OLFM1: variants seen among roughly 807,000 people sequenced by gnomAD.
OLFM1 encodes the protein noelin.
Under a neutral mutation model 49.7 loss-of-function variants are expected in OLFM1, and 9 were observed. That is an observed-to-expected ratio of 0.18 (90% CI 0.11 to 0.32). The LOEUF is 0.32. OLFM1 is among the 10% of genes least tolerant of loss of function. OLFM1 has a pLI of 1.00. For synonymous variants in OLFM1, 240 were observed against 271.8 expected (o/e 0.88, Z 1.15); for missense variants, 369 against 661.8 (o/e 0.56, Z 4.85).
chr9:135,104,409 G>A (rs945784410), intron 4 of OLFM1, among the ~76,000 whole-genome samples: 3 of 152,324 alleles, frequency 2.0e-5, no homozygotes, highest in Non-Finnish European at 2.9e-5. Flanking sequence ...GTCTCCTTCC[G>A]GTAGGTCATG....
intron 1 of OLFM1, chr9:135,077,349 T>C: frequency 7.9e-7 from 1 of 1,271,320 alleles, no homozygotes. Context: ...AATGGCACCC[T>C]GAAGCCTCCA....
upstream of OLFM1, among the ~76,000 whole-genome samples, chr9:135,084,449 C>CCT (rs10672691): frequency 0.85 from 124,558 of 145,722 alleles, 53,887 homozygotes; most frequent in African/African-American, 0.92. This position sits in a 1 kb window ranked among gnomAD's most constrained non-coding sequence, Gnocchi z 4.6. Context: ...TATTATCTCT[C>CCT]CTCTCTGTCT....
In OLFM1 at chr9:135,098,562, C is replaced by T; in HGVS notation, c.676+57C>T. On this transcript the variant is annotated intron_variant, in intron 4 of 5. Coordinates refer to ENST00000371793, the MANE Select transcript of OLFM1 (RefSeq NM_001282611.2). The surrounding 1 kb of genome is among the most constrained non-coding windows in gnomAD (Gnocchi z 5.6). ...GCACTGCCCACCTCCGGCACACGCA[C>T]AGGCTTAGGGAGTGGTGCTGAAGTG... 11 of 1,496,130 alleles carry T rather than the reference C, an allele frequency of 7.4e-6. No individual in the cohort carries two copies. The highest frequency in any genetic ancestry group is 9.3e-6 in the Non-Finnish European group (10 of 1,077,026). 92.7% of individuals were successfully genotyped at this position (1,496,130 alleles called of 1,614,324 possible).
chr9:135,086,715 T>A (rs1190650981), upstream of OLFM1: 1 of 455,912 alleles, frequency 2.2e-6, no homozygotes, highest in East Asian at 7.0e-5. Context: ...CAGGTGGGAC[T>A]GACACGCGTG....
At chr9:135,075,844 G>GGCCCGGCCCCCC in intron 1 of OLFM1, 1 of 1,553,118 alleles carries the variant, frequency 6.4e-7, no homozygotes, top group Non-Finnish European at 8.7e-7. Context: ...CCAGGCGCCC[G>GGCCCGGCCCCCC]GCCCGGCCCC....
chr9:135,082,257 A>G (rs1830542347), intron 1 of OLFM1, among the ~76,000 whole-genome samples: 1 of 152,208 alleles, frequency 6.6e-6, no homozygotes, highest in Non-Finnish European at 1.5e-5. Flanking sequence ...GCCCTTGTCC[A>G]CATTCAGATC....
intron 5 of OLFM1, among the ~76,000 whole-genome samples, chr9:135,115,540 G>A (rs1029640620): frequency 4.6e-5 from 7 of 152,390 alleles, no homozygotes; most frequent in East Asian, 3.9e-4. Flanking sequence ...ACCCACTGAC[G>A]TGTGGGACCG....
Position 135,075,997 on chromosome 9 carries a change from G to C in OLFM1, c.96+195G>C, listed in dbSNP as rs73664040. On this transcript the variant is annotated intron_variant, in intron 1 of 5. Transcript: ENST00000252854. Reference sequence around the variant, plus strand: ...TGGGAGGGAGGGGTGCAGGCTGACCGGAGACGGCGCTCCTCCAGCCCCGGC... The same window carrying C: ...TGGGAGGGAGGGGTGCAGGCTGACCCGAGACGGCGCTCCTCCAGCCCCGGC... 1.8e-3 allele frequency: 2,548 copies of C among 1,437,056 alleles called. 44 individuals are homozygous for C. The African/African-American group carries it at 0.033, about 19-fold the overall frequency. 89.0% of individuals were successfully genotyped at this position (1,437,056 alleles called of 1,614,324 possible).
At chr9:135,096,885 C>A (rs1198946304) in intron 3 of OLFM1, among the ~76,000 whole-genome samples, 3 of 152,200 alleles carry the variant, frequency 2.0e-5, no homozygotes, top group African/African-American at 7.2e-5. Context: ...TAACTCTGGA[C>A]ATTAAAACTG....
chr9:135,098,336 A>C lies in OLFM1; in HGVS notation c.507A>C (p.Glu169Asp). Residue 169 changes from glutamate to aspartate, a missense_variant, in exon 4 of 6, where the codon GAA (glutamate) becomes GAC (aspartate). This residue lies in a region of OLFM1 where 294 missense variants were observed against 567.5 expected (regional missense o/e 0.52). Coordinates refer to ENST00000371793, the MANE Select transcript of OLFM1 (RefSeq NM_001282611.2). The surrounding 1 kb of genome is among the most constrained non-coding windows in gnomAD (Gnocchi z 5.6). ...TTAGGCCTTTGATACCTGTGTTGGA[A>C]GAGTACAAGGCCGATGCCAAATTGG... ...DELRPLIPVL[E>D]EYKADAKLVL... 1 of 1,613,918 alleles carries C rather than the reference A, an allele frequency of 6.2e-7. No homozygotes were observed. Among genetic ancestry groups the C allele is most frequent in the Non-Finnish European group, 8.5e-7 (1 of 1,180,034 alleles).
At chr9:135,076,110 G>A (rs1276683595) in intron 1 of OLFM1, 3 of 1,544,644 alleles carry the variant, frequency 1.9e-6, no homozygotes, top group Non-Finnish European at 2.6e-6. Flanking sequence ...GCACGAGGGG[G>A]TCTTTGGCTG....
Position 135,098,779 on chromosome 9 carries a change from T to TTGTG in OLFM1, c.676+287_676+290dup, listed in dbSNP as rs374373319. On this transcript the variant is annotated intron_variant, in intron 4 of 5. Coordinates refer to ENST00000371793, the MANE Select transcript of OLFM1 (RefSeq NM_001282611.2). This position sits in a 1 kb window ranked among gnomAD's most constrained non-coding sequence, Gnocchi z 5.6. ...AAAAAATAGCATACCATCTGGCAGA[T>TTGTG]TGTGTGTGTGTGTGTGAATCGTATG... Among the ~76,000 whole-genome samples the TTGTG allele has an allele frequency of 5.9e-5, 9 of 151,454 alleles. 1 individual carries two copies. The highest frequency in any genetic ancestry group is 1.3e-4 in the Non-Finnish European group (9 of 67,796).
At chr9:135,091,591 TCA>T (rs1023163134) in intron 2 of OLFM1, among the ~76,000 whole-genome samples, 5 of 70,514 alleles carry the variant, frequency 7.1e-5, no homozygotes, top group Admixed American at 2.6e-4. Flanking sequence ...ACACTCACAG[TCA>T]CACACTCACA....
chr9:135,102,005 T>G lies in OLFM1; in HGVS notation c.676+3500T>G, dbSNP rs550108569. Among the ~76,000 whole-genome samples, 9 of 152,356 alleles carry G rather than the reference T, an allele frequency of 5.9e-5. No homozygotes were observed. The South Asian group carries it at 1.9e-3, about 32-fold the overall frequency. ...GACACCCATAAGCACAGACAGAGCCTGGGCTTCAGGGTCAGTCGGGTCTTT... is the reference window on the plus strand; with the variant it reads ...GACACCCATAAGCACAGACAGAGCCGGGGCTTCAGGGTCAGTCGGGTCTTT... On this transcript the variant is annotated intron_variant, in intron 4 of 5. Coordinates refer to ENST00000371793, the MANE Select transcript of OLFM1 (RefSeq NM_001282611.2).
chr9:135,110,059 T>C (rs948440577), intron 5 of OLFM1, among the ~76,000 whole-genome samples: 1 of 152,210 alleles, frequency 6.6e-6, no homozygotes, highest in African/African-American at 2.4e-5. Context: ...ACCCCTGCGC[T>C]TCCCAGGGCA....
intron 1 of OLFM1, among the ~76,000 whole-genome samples, chr9:135,078,460 A>C (rs1481883358): frequency 6.6e-6 from 1 of 152,236 alleles, no homozygotes; most frequent in Non-Finnish European, 1.5e-5. Flanking sequence ...TTCTCCCGAC[A>C]GCTTACTTAC....
Position 135,087,858 on chromosome 9 carries a change from G to T in OLFM1, c.-132G>T. ...GGGGCGGCGGCGGCGGCGGGCGGGC[G>T]GCGGCGGGCCGAGGGGGCGCGGGGA... On this transcript the variant is annotated 5_prime_UTR_variant, in exon 1 of 6. Coordinates refer to ENST00000371793, the MANE Select transcript of OLFM1 (RefSeq NM_001282611.2). The T allele has an allele frequency of 1.0e-6, 1 of 963,060 alleles. No individual in the cohort carries two copies. 59.7% of individuals were successfully genotyped at this position (963,060 alleles called of 1,614,324 possible).
chr9:135,087,815 G>A lies in OLFM1; in HGVS notation c.-175G>A, dbSNP rs1588205202. 8 of 839,112 alleles carry A rather than the reference G, an allele frequency of 9.5e-6. No homozygotes were observed. In the South Asian group the frequency reaches 3.6e-4, roughly 38 times the overall value. The allele number at this position is 839,112 out of a possible 1,614,324, so 52.0% of individuals were successfully genotyped here. A position where few individuals can be genotyped will look rare whatever the true frequency, so the allele number is the denominator to read the frequency against. ...TTCCCTGGCGCCCGGGGAAGGCGCG[G>A]CGATGGCCGGGGCGCGCGGGGCGGC... is the stretch of plus-strand genomic sequence containing the variant. On this transcript the variant is annotated 5_prime_UTR_variant, in exon 1 of 6. Transcript: ENST00000371793.
At position 135,117,862 on chromosome 9, in the gene OLFM1, C is replaced by T. The variant is rs1006677731; in HGVS notation, c.784-1642C>T. 2.0e-5 allele frequency among the ~76,000 whole-genome samples: 3 copies of T among 152,224 alleles called. No homozygotes were observed. The highest frequency in any genetic ancestry group is 4.4e-5 in the Non-Finnish European group (3 of 68,044). On this transcript the variant is annotated intron_variant, in intron 5 of 5. Coordinates refer to ENST00000371793, the MANE Select transcript of OLFM1 (RefSeq NM_001282611.2). This position sits in a 1 kb window ranked among gnomAD's most constrained non-coding sequence, Gnocchi z 5.5. ...GGCCTGTGTGTCCCATCCCAAATTC[C>T]CACTAGATCCTTTCTTCAAACTGTG...
Sources: gnomAD v4.1 joint callset for allele counts (sites outside exome capture counted in the v4.1 genomes callset) on GRCh38, gnomAD v4.1.1 for gene constraint, gnomAD v4.1.1 regional missense constraint, Gnocchi (gnomAD v3.1) non-coding constraint, MANE v1.5 for transcripts, NCBI Gene and HGNC (gene_info 2026-07-23, HGNC 2026-07-21) for gene names.